The following SLC24A2 variants were observed in gnomAD, a reference collection of about 807,000 sequenced individuals.
SLC24A2 encodes solute carrier family 24 member 2.
Under a neutral mutation model 62.0 loss-of-function variants are expected in SLC24A2, and 36 were observed. The observed-to-expected ratio is 0.58, with a 90% confidence interval of 0.44 to 0.77. SLC24A2 has a LOEUF of 0.77. SLC24A2 is among the 30% of genes least tolerant of loss of function. SLC24A2 has a pLI of 0.00. For synonymous variants in SLC24A2, 358 were observed against 294.0 expected, an observed-to-expected ratio of 1.22 and a Z score of -2.23; for missense variants, 846 against 817.9, an observed-to-expected ratio of 1.03 and a Z score of -0.42.
At chr9:19,993,193 A>C in the SLC24A2 span, among the ~76,000 whole-genome samples, 1 of 152,194 alleles carries the variant, frequency 6.6e-6, no homozygotes, top group Non-Finnish European at 1.5e-5. Flanking sequence ...GATTCTTTCC[A>C]TCCACAGGGC....
At chr9:20,026,204 G>C in the SLC24A2 span, among the ~76,000 whole-genome samples, 1 of 151,720 alleles carries the variant, frequency 6.6e-6, no homozygotes, top group African/African-American at 2.4e-5. Flanking sequence ...ATGAATTAAG[G>C]TGGTAAAAAA....
chr9:19,989,646 A>C, the SLC24A2 span, among the ~76,000 whole-genome samples: 1 of 152,110 alleles, frequency 6.6e-6, no homozygotes, highest in Non-Finnish European at 1.5e-5. Context: ...GCTGCTTTTA[A>C]TCTGATCCCT....
chr9:20,076,012 G>A, the SLC24A2 span, among the ~76,000 whole-genome samples: 1 of 152,286 alleles, frequency 6.6e-6, no homozygotes, highest in Admixed American at 6.5e-5. Context: ...CAAATGCCAT[G>A]TAAATAGTTG....
At chr9:19,565,160 G>A (rs1835595278) in intron 7 of SLC24A2, among the ~76,000 whole-genome samples, 1 of 152,106 alleles carries the variant, frequency 6.6e-6, no homozygotes, top group East Asian at 1.9e-4. Context: ...TAGGAAAAGA[G>A]GAAGTCAAAT....
chr9:19,725,508 T>C (rs1213403386), intron 2 of SLC24A2, among the ~76,000 whole-genome samples: 2 of 152,130 alleles, frequency 1.3e-5, no homozygotes, highest in Non-Finnish European at 2.9e-5. Flanking sequence ...ACTTTCAGAG[T>C]TGGAGGTAAA....
chr9:20,222,571 A>G, the SLC24A2 span, among the ~76,000 whole-genome samples: 1 of 152,118 alleles, frequency 6.6e-6, no homozygotes, highest in African/African-American at 2.4e-5. Context: ...AGAAAAGGAT[A>G]TATTTACAAA....
the SLC24A2 span, among the ~76,000 whole-genome samples, chr9:19,975,446 G>T: frequency 6.6e-6 from 1 of 152,126 alleles, no homozygotes; most frequent in African/African-American, 2.4e-5. Flanking sequence ...GAAATAATGA[G>T]ATTTGGAATC....
the SLC24A2 span, among the ~76,000 whole-genome samples, chr9:20,014,624 A>G: frequency 3.3e-5 from 5 of 152,156 alleles, no homozygotes; most frequent in African/African-American, 1.2e-4. Context: ...TGAAATAAGC[A>G]AGGCACAAAA....
At chr9:20,181,172 A>G in the SLC24A2 span, among the ~76,000 whole-genome samples, 15 of 152,192 alleles carry the variant, frequency 9.9e-5, no homozygotes, top group South Asian at 3.1e-3. Context: ...TCAAGTTCAA[A>G]TCCTAGTTCT....
At chr9:20,120,927 G>T in the SLC24A2 span, among the ~76,000 whole-genome samples, 9 of 140,104 alleles carry the variant, frequency 6.4e-5, no homozygotes, top group Admixed American at 6.6e-4. Context: ...CAAATCAATT[G>T]ATTGTATATA....
the SLC24A2 span, among the ~76,000 whole-genome samples, chr9:20,250,204 C>T: frequency 6.6e-6 from 1 of 152,188 alleles, no homozygotes; most frequent in Non-Finnish European, 1.5e-5. Context: ...GGTGAGGAAA[C>T]TTGAGACTAG....
At chr9:19,890,555 T>G in the SLC24A2 span, among the ~76,000 whole-genome samples, 1 of 152,226 alleles carries the variant, frequency 6.6e-6, no homozygotes, top group Non-Finnish European at 1.5e-5. Flanking sequence ...TTTTTCTCAC[T>G]GATGACTTCT....
intron 10 of SLC24A2, 129 bp from the exon 11 acceptor site, chr9:19,516,531 G>C: frequency 8.6e-7 from 1 of 1,164,104 alleles, no homozygotes; most frequent in Non-Finnish European, 1.2e-6. Flanking sequence ...GTCTTGTTAG[G>C]TTCACTATGA....
At chr9:19,942,445 C>T in the SLC24A2 span, among the ~76,000 whole-genome samples, 12 of 152,074 alleles carry the variant, frequency 7.9e-5, no homozygotes, top group African/African-American at 2.9e-4. Flanking sequence ...CAGGTGATAT[C>T]GAGGTCACAT....
At chr9:20,269,698 T>C in the SLC24A2 span, among the ~76,000 whole-genome samples, 1 of 152,186 alleles carries the variant, frequency 6.6e-6, no homozygotes, top group African/African-American at 2.4e-5. Flanking sequence ...TTCAATTCCT[T>C]AGAGGCTTAC....
At chr9:19,623,511 T>C (rs1445691479) in intron 2 of SLC24A2, among the ~76,000 whole-genome samples, 1 of 152,190 alleles carries the variant, frequency 6.6e-6, no homozygotes, top group African/African-American at 2.4e-5. Flanking sequence ...TATACACTTT[T>C]GTGTAAAAAA....
chr9:19,602,036 T>C (rs190675223), intron 4 of SLC24A2, among the ~76,000 whole-genome samples: 11 of 152,358 alleles, frequency 7.2e-5, no homozygotes, highest in African/African-American at 2.6e-4. Context: ...CAAGAGACCT[T>C]ATCATTATAA....
chr9:19,762,981 C>G (rs1293263963), intron 2 of SLC24A2, among the ~76,000 whole-genome samples: 1 of 152,006 alleles, frequency 6.6e-6, no homozygotes, highest in Non-Finnish European at 1.5e-5. Context: ...TTGTTTGAGT[C>G]CTCTCTTATT....
At chr9:19,827,299 C>G in the SLC24A2 span, among the ~76,000 whole-genome samples, 1 of 152,030 alleles carries the variant, frequency 6.6e-6, no homozygotes, top group South Asian at 2.1e-4. Context: ...AGCTGTTTAC[C>G]TCCACTCCCC....
Sources: allele counts gnomAD v4.1 joint callset (sites outside exome capture counted in the v4.1 genomes callset), GRCh38; gene constraint gnomAD v4.1.1; transcripts MANE v1.5; gene names NCBI Gene and HGNC (gene_info 2026-07-23, HGNC 2026-07-21).